Variants in ACSL1 observed in about 807,000 individuals in gnomAD.
The protein encoded by ACSL1 is long-chain-fatty-acid--CoA ligase 1.
In ACSL1, 41 loss-of-function variants were observed where a neutral mutation model predicts 98.4. The observed-to-expected ratio is 0.42, with a 90% CI of 0.32 to 0.54. ACSL1 has a LOEUF of 0.54. ACSL1 is among the 20% of genes least tolerant of loss of function. The pLI is 0.13. For missense variants in ACSL1, 734 were observed against 883.1 expected, an observed-to-expected ratio of 0.83 and a Z score of 2.14; for synonymous variants, 316 against 322.7, an observed-to-expected ratio of 0.98 and a Z score of 0.22.
chr4:184,776,221 C>T (rs1159756356), intron 7 of ACSL1, among the ~76,000 whole-genome samples: 2 of 152,216 alleles, frequency 1.3e-5, no homozygotes, highest in East Asian at 1.9e-4. Flanking sequence ...CTGGCATTTC[C>T]GGGCACAGCT....
rs1230943331 is a variant in ACSL1, at chr4:184,766,986, A to G, written c.1129-230T>C. Among the ~76,000 whole-genome samples, 1 of 152,174 alleles carries G rather than the reference A, an allele frequency of 6.6e-6. No homozygotes were observed. The highest frequency in any genetic ancestry group is 1.5e-5 in the Non-Finnish European group (1 of 68,020). On this transcript the variant is annotated intron_variant, in intron 12 of 20. Coordinates refer to ENST00000281455, the MANE Select transcript of ACSL1 (RefSeq NM_001995.5). This position sits in a 1 kb window ranked among gnomAD's most constrained non-coding sequence, Gnocchi z 4.8. ...CACATACATCCCCAAATGCCCATCG[A>G]GTAGGAATGTGTAGGCCAGGTGCGG...
intron 1 of ACSL1, among the ~76,000 whole-genome samples, chr4:184,820,210 G>C (rs991935371): frequency 2.6e-5 from 4 of 152,102 alleles, no homozygotes; most frequent in Non-Finnish European, 4.4e-5. Context: ...GTAGAGACAG[G>C]GTTGCACCGT....
Position 184,802,503 on chromosome 4 carries a change from C to T in ACSL1, c.195+817G>A, listed in dbSNP as rs538579882. On this transcript the variant is annotated intron_variant, in intron 2 of 20. Coordinates refer to ENST00000281455, the MANE Select transcript of ACSL1 (RefSeq NM_001995.5). Reference sequence around the variant, plus strand: ...ACTGACTTGGGTAGGGGAAAGCAAGCGACCACAGAGAAAACCAAAGAACAG... The same window carrying T: ...ACTGACTTGGGTAGGGGAAAGCAAGTGACCACAGAGAAAACCAAAGAACAG... Among the ~76,000 whole-genome samples, 48 of 152,216 alleles carry T rather than the reference C, an allele frequency of 3.2e-4. No individual in the cohort carries two copies. In the South Asian group the frequency reaches 8.7e-3, roughly 28 times the overall value.
chr4:184,776,487 C>T lies in ACSL1; in HGVS notation c.753G>A (p.Met251Ile), dbSNP rs1216070458. 6.2e-7 allele frequency: 1 copy of T among 1,611,686 alleles called. No individual in the cohort carries two copies. The highest frequency in any genetic ancestry group is 8.5e-7 in the Non-Finnish European group (1 of 1,179,012). Reference sequence around the variant, plus strand: ...GGGAAGGAGGCAGGGCACTCACCTCCATCGCCTTCATGCTGGTGACTTCCA... The same window carrying T: ...GGGAAGGAGGCAGGGCACTCACCTCTATCGCCTTCATGCTGGTGACTTCCA... ...CGVEVTSMKA[M>I]EDLGRANRRK... is the part of the protein sequence containing the mutation. The change falls in exon 7 of 21, where the codon ATG (methionine) becomes ATA (isoleucine). Residue 251 changes from methionine (M) to isoleucine (I), a missense_variant. Transcript: ENST00000281455.
chr4:184,784,515 A>G (rs986255233), intron 3 of ACSL1, among the ~76,000 whole-genome samples: 37 of 152,246 alleles, frequency 2.4e-4, no homozygotes, highest in African/African-American at 8.4e-4. Flanking sequence ...ATGATTGCAG[A>G]AAAACAAAAA....
At position 184,773,630 on chromosome 4, in the gene ACSL1, C is replaced by G; in HGVS notation, c.841+33G>C. Reference sequence around the variant, plus strand: ...GGGGAGAGTCCAGACCAATGGCTGCCATATGTAGAAGCAATTCTATCTCAA... The same window carrying G: ...GGGGAGAGTCCAGACCAATGGCTGCGATATGTAGAAGCAATTCTATCTCAA... On this transcript the variant is annotated intron_variant, in intron 9 of 20. Transcript: ENST00000281455. The surrounding 1 kb of genome is among the most constrained non-coding windows in gnomAD (Gnocchi z 4.3). 1.3e-6 allele frequency: 2 copies of G among 1,594,552 alleles called. No homozygotes were observed. The highest frequency in any genetic ancestry group is 1.7e-6 in the Non-Finnish European group (2 of 1,170,776).
At chr4:184,759,686 A>T (rs1254736890) in intron 18 of ACSL1, among the ~76,000 whole-genome samples, 19 of 152,190 alleles carry the variant, frequency 1.2e-4, no homozygotes, top group Admixed American at 1.2e-3. Context: ...AGGAAACAAC[A>T]GGTGCTGGAG....
chr4:184,771,695 C>A (rs1010547956), intron 10 of ACSL1, among the ~76,000 whole-genome samples: 1 of 152,286 alleles, frequency 6.6e-6, no homozygotes, highest in South Asian at 2.1e-4. Context: ...TGCTGTCATA[C>A]CAACTAAGAA....
intron 2 of ACSL1, chr4:184,798,825 A>C (rs1004776439): frequency 6.6e-6 from 1 of 152,332 alleles, no homozygotes; most frequent in Non-Finnish European, 1.5e-5. Flanking sequence ...ACTTCTGTGA[A>C]TGTCACAGGG....
chr4:184,757,132 T>C lies in ACSL1; in HGVS notation c.2090A>G (p.Lys697Arg). The C allele has an allele frequency of 2.5e-6, 4 of 1,588,484 alleles. No individual in the cohort carries two copies. The highest frequency in any genetic ancestry group is 3.4e-6 in the Non-Finnish European group (4 of 1,159,436). Reference protein sequence around the residue: ...SQIDDLYSTIKV With the variant: ...SQIDDLYSTIRV ...TGAGCTTTCTTCTTCACACTAAACC[T>C]TGATAGTGGAATAGAGGTCATCTAT... The change falls in exon 21 of 21, where the codon AAG (lysine) becomes AGG (arginine). Residue 697 changes from lysine to arginine, a missense_variant. Physicochemically the swap from Lys to Arg is conservative, Grantham distance 26. Coordinates refer to ENST00000281455, the MANE Select transcript of ACSL1 (RefSeq NM_001995.5). This position sits in a 1 kb window ranked among gnomAD's most constrained non-coding sequence, Gnocchi z 4.5.
chr4:184,788,337 A>G, intron 3 of ACSL1: 1 of 512,560 alleles, frequency 2.0e-6, no homozygotes, highest in Non-Finnish European at 3.8e-6. Flanking sequence ...TATTGCAGGA[A>G]ACGTCAGAGC....
intron 1 of ACSL1, among the ~76,000 whole-genome samples, chr4:184,821,648 C>A (rs778822610): frequency 1.3e-5 from 2 of 152,232 alleles, no homozygotes; most frequent in Middle Eastern, 3.4e-3. Context: ...TTTTTAAAGA[C>A]GTATTTAAAC....
chr4:184,816,604 A>G (rs894340778), intron 1 of ACSL1, among the ~76,000 whole-genome samples: 3 of 152,158 alleles, frequency 2.0e-5, no homozygotes, highest in Non-Finnish European at 4.4e-5. Context: ...GAAAATTCAA[A>G]TCTATTCAAA....
rs564887236 is a variant in ACSL1 at position 184,809,740 on chromosome 4, A to G, written c.-32-6194T>C. On this transcript the variant is annotated intron_variant, in intron 1 of 20. Transcript: ENST00000281455. ...GAACCTGGGAAGCGGAGCTTGCAGT[A>G]AGCTGAGATCGCGCCACTGCACTCC... Among the ~76,000 whole-genome samples the G allele has an allele frequency of 8.5e-5, 13 of 152,266 alleles. 1 individual carries two copies. Among genetic ancestry groups the G allele is most frequent in the Middle Eastern group, 3.4e-3 (1 of 294 alleles).
intron 7 of ACSL1, among the ~76,000 whole-genome samples, 187 bp downstream of exon 7, chr4:184,776,296 AC>A (rs1342411956): frequency 6.6e-6 from 1 of 152,370 alleles, no homozygotes; most frequent in Non-Finnish European, 1.5e-5. Flanking sequence ...AGGTGTTAAC[AC>A]TGGGCACACA....
chr4:184,779,421 C>G (rs1394750881), intron 5 of ACSL1, among the ~76,000 whole-genome samples: 1 of 152,196 alleles, frequency 6.6e-6, no homozygotes, highest in African/African-American at 2.4e-5. Flanking sequence ...CCAATTAAAC[C>G]TCTTTTTGTT....
At chr4:184,769,853 C>T (rs367743254) in intron 11 of ACSL1, among the ~76,000 whole-genome samples, 13 of 152,226 alleles carry the variant, frequency 8.5e-5, no homozygotes, top group African/African-American at 2.9e-4. Flanking sequence ...ATTAGTCACA[C>T]AGTTGATTAC....
chr4:184,767,147 T>C (rs1374501776), intron 12 of ACSL1, among the ~76,000 whole-genome samples: 1 of 151,994 alleles, frequency 6.6e-6, no homozygotes, highest in Non-Finnish European at 1.5e-5. Flanking sequence ...CCGGGCATGG[T>C]GGCACATGCC....
chr4:184,812,003 G>A, intron 1 of ACSL1, among the ~76,000 whole-genome samples: 1 of 151,970 alleles, frequency 6.6e-6, no homozygotes, highest in Non-Finnish European at 1.5e-5. Context: ...GGGTCCTCAG[G>A]GCCCTCCTTC....
Sources: allele counts gnomAD v4.1 joint callset (sites outside exome capture counted in the v4.1 genomes callset), GRCh38; gene constraint gnomAD v4.1.1; non-coding constraint Gnocchi (gnomAD v3.1); transcripts MANE v1.5; gene names NCBI Gene and HGNC (gene_info 2026-07-23, HGNC 2026-07-21).